KCNIP4: variants seen among roughly 807,000 people sequenced by gnomAD.
The protein encoded by KCNIP4 is potassium voltage-gated channel interacting protein 4.
A neutral mutation model predicts 34.0 loss-of-function variants in KCNIP4; 12 were observed. That is an observed-to-expected ratio of 0.35 (90% CI 0.23 to 0.57). KCNIP4 has a LOEUF of 0.57. Ranked by LOEUF, KCNIP4 falls within the 20% of genes least tolerant of loss-of-function variation. The probability of loss-of-function intolerance (pLI) is 0.83; values close to 1 mark genes in which losing one functional copy is unlikely to be tolerated. For missense variants in KCNIP4, 238 were observed against 311.7 expected (o/e 0.76, Z 1.78); for synonymous variants, 124 against 102.2 (o/e 1.21, Z -1.29).
chr4:21,072,291 C>T (rs1745023314), intron 1 of KCNIP4, among the ~76,000 whole-genome samples: 1 of 152,182 alleles, frequency 6.6e-6, no homozygotes, highest in South Asian at 2.1e-4. Flanking sequence ...TCTCCACATC[C>T]TCTCCAGCAT....
At chr4:21,056,867 A>G (rs1261772618) in intron 1 of KCNIP4, among the ~76,000 whole-genome samples, 1 of 152,144 alleles carries the variant, frequency 6.6e-6, no homozygotes, top group Non-Finnish European at 1.5e-5. Context: ...GAAGTCATGA[A>G]AGTGGGTTCC....
intron 1 of KCNIP4, among the ~76,000 whole-genome samples, chr4:21,935,962 T>TA (rs1553839410): frequency 1.4e-5 from 2 of 147,998 alleles, no homozygotes; most frequent in African/African-American, 4.9e-5. Flanking sequence ...GAAATGAAGA[T>TA]TATATATATA....
intron 1 of KCNIP4, among the ~76,000 whole-genome samples, chr4:20,961,997 T>G (rs1014157794): frequency 2.0e-5 from 3 of 152,210 alleles, no homozygotes; most frequent in Non-Finnish European, 4.4e-5. Flanking sequence ...CATGACTACG[T>G]ATCTTTCCTA....
intron 1 of KCNIP4, among the ~76,000 whole-genome samples, chr4:21,589,219 C>CAT (rs1560540385): frequency 6.6e-5 from 7 of 106,358 alleles, no homozygotes; most frequent in Non-Finnish European, 1.1e-4. Context: ...TATATAAGTA[C>CAT]ACATGTATCT....
chr4:21,324,345 T>C (rs2109308498), intron 1 of KCNIP4, among the ~76,000 whole-genome samples: 1 of 152,172 alleles, frequency 6.6e-6, no homozygotes, highest in East Asian at 1.9e-4. Flanking sequence ...TGGGGAATTT[T>C]CTCAACATTT....
rs115705882 is a variant in KCNIP4 at position 21,528,988 on chromosome 4, T to A, written c.61+419583A>T. Reference sequence around the variant, plus strand: ...CAATGAAAAGCCTGCTTAGGATTTCTGCAAAAGTTTTGCTGTCCTTTTACA... The same window carrying A: ...CAATGAAAAGCCTGCTTAGGATTTCAGCAAAAGTTTTGCTGTCCTTTTACA... On this transcript the variant is annotated intron_variant, in intron 1 of 8. Coordinates refer to ENST00000382152, the MANE Select transcript of KCNIP4 (RefSeq NM_025221.6). 4.1e-3 allele frequency among the ~76,000 whole-genome samples: 621 copies of A among 152,218 alleles called. 2 individuals carry two copies. The highest frequency in any genetic ancestry group is 5.6e-3 in the Non-Finnish European group (379 of 68,010).
At chr4:20,839,568 A>G (rs924870769) in intron 3 of KCNIP4, among the ~76,000 whole-genome samples, 1 of 150,900 alleles carries the variant, frequency 6.6e-6, no homozygotes, top group Non-Finnish European at 1.5e-5. Flanking sequence ...TGTGAATCAA[A>G]GTTTGAGAGG....
intron 1 of KCNIP4, among the ~76,000 whole-genome samples, chr4:21,172,257 C>T (rs1464235218): frequency 1.3e-5 from 2 of 152,086 alleles, no homozygotes; most frequent in South Asian, 2.1e-4. Flanking sequence ...GTCTCAAACA[C>T]CTGACCTCAA....
At chr4:21,444,960 A>G (rs902006410) in intron 1 of KCNIP4, among the ~76,000 whole-genome samples, 26 of 152,200 alleles carry the variant, frequency 1.7e-4, no homozygotes, top group Admixed American at 1.6e-3. Flanking sequence ...AAAAATCACA[A>G]GCATTCTTAT....
At chr4:21,132,243 G>A (rs1289872957) in intron 1 of KCNIP4, among the ~76,000 whole-genome samples, 1 of 152,142 alleles carries the variant, frequency 6.6e-6, no homozygotes, top group African/African-American at 2.4e-5. Context: ...TGTTTAACTT[G>A]TTCTTCTATC....
chr4:21,051,624 A>C (rs1742939548), intron 1 of KCNIP4, among the ~76,000 whole-genome samples: 1 of 152,174 alleles, frequency 6.6e-6, no homozygotes, highest in African/African-American at 2.4e-5. Flanking sequence ...CAGTAAGGAA[A>C]AAACAACTCA....
At chr4:21,933,817 A>T (rs1252193211) in intron 1 of KCNIP4, among the ~76,000 whole-genome samples, 1 of 152,132 alleles carries the variant, frequency 6.6e-6, no homozygotes, top group Admixed American at 6.6e-5. Flanking sequence ...AGTTAAAATA[A>T]TATTTGACTG....
intron 1 of KCNIP4, chr4:21,844,234 A>G (rs1287980665): frequency 6.6e-6 from 1 of 152,150 alleles, no homozygotes; most frequent in Non-Finnish European, 1.5e-5. Context: ...AAGAACACAG[A>G]GGAAACAGTG....
At chr4:21,773,674 C>T (rs977671309) in intron 1 of KCNIP4, among the ~76,000 whole-genome samples, 10 of 150,082 alleles carry the variant, frequency 6.7e-5, no homozygotes, top group Non-Finnish European at 1.3e-4. Flanking sequence ...ATCTAATGCC[C>T]TTTTTTGTCT....
intron 5 of KCNIP4, among the ~76,000 whole-genome samples, chr4:20,740,382 C>A (rs1054540959): frequency 6.6e-6 from 1 of 152,156 alleles, no homozygotes; most frequent in African/African-American, 2.4e-5. Context: ...GCGGAACTCT[C>A]GGCAGAAACT....
intron 5 of KCNIP4, among the ~76,000 whole-genome samples, chr4:20,737,979 CA>C (rs1205978077): frequency 1.3e-5 from 2 of 151,916 alleles, no homozygotes; most frequent in Admixed American, 1.3e-4. Flanking sequence ...GCAAGAAAAA[CA>C]AATTAACTGG....
At chr4:21,498,491 T>G (rs2109880611) in intron 1 of KCNIP4, among the ~76,000 whole-genome samples, 1 of 152,346 alleles carries the variant, frequency 6.6e-6, no homozygotes, top group South Asian at 2.1e-4. Flanking sequence ...GAGAAATAAC[T>G]AATTCATTAA....
At chr4:20,935,161 A>G (rs1730928950) in intron 1 of KCNIP4, among the ~76,000 whole-genome samples, 1 of 152,194 alleles carries the variant, frequency 6.6e-6, no homozygotes, top group Non-Finnish European at 1.5e-5. Flanking sequence ...CTATTTCCAA[A>G]AAAGGTCATA....
chr4:21,788,437 T>C (rs140994423), intron 1 of KCNIP4, among the ~76,000 whole-genome samples: 276 of 152,314 alleles, frequency 1.8e-3, no homozygotes, highest in African/African-American at 6.0e-3. Flanking sequence ...TTCTATGCTA[T>C]GAATTATGAG....
Sources: gnomAD v4.1 joint callset for allele counts (sites outside exome capture counted in the v4.1 genomes callset) on GRCh38, gnomAD v4.1.1 for gene constraint, MANE v1.5 for transcripts, NCBI Gene and HGNC (gene_info 2026-07-23, HGNC 2026-07-21) for gene names.